Variants in CSMD2 observed in about 807,000 individuals in gnomAD.
CSMD2 encodes the protein CUB and Sushi multiple domains 2.
In CSMD2, 130 loss-of-function variants were observed where a neutral mutation model predicts 398.5. The observed-to-expected ratio is 0.33, with a 90% CI of 0.28 to 0.38. The LOEUF (loss-of-function observed/expected upper bound fraction) is 0.38, where lower values mean the gene tolerates loss of function less well. CSMD2 is among the 10% of genes least tolerant of loss of function. The probability of loss-of-function intolerance (pLI) is 1.00; values close to 1 mark genes in which losing one functional copy is unlikely to be tolerated. For missense variants in CSMD2, 3,829 were observed against 4,764.9 expected (o/e 0.80, Z 5.78); for synonymous variants, 1,828 against 1,908.5 (o/e 0.96, Z 1.10).
rs1641993513 is a variant in CSMD2 at position 33,624,717 on chromosome 1, A to G, written c.5501-74T>C. The G allele has an allele frequency of 6.4e-7, 1 of 1,555,280 alleles. No homozygotes were observed. Among genetic ancestry groups the G allele is most frequent in the Non-Finnish European group, 8.7e-7 (1 of 1,145,164 alleles). ...GCCTTCCCAAGCTGACTCCTCCCTC[A>G]TGGCCCCCAGCCTCTGTTTGTCCTC... On this transcript the variant is annotated intron_variant, in intron 34 of 70. Transcript: ENST00000373381. The surrounding 1 kb of genome is among the most constrained non-coding windows in gnomAD (Gnocchi z 4.7).
At chr1:33,714,460 AGGTAAGTGT>A in intron 21 of CSMD2, 118 bp downstream of exon 21, 2 of 1,103,652 alleles carry the variant, frequency 1.8e-6, no homozygotes, top group Non-Finnish European at 1.3e-6. Context: ...GTCCCACTGC[AGGTAAGTGT>A]GGTAAGTGTG....
intron 5 of CSMD2, among the ~76,000 whole-genome samples, chr1:33,878,740 T>C (rs1246148745): frequency 6.6e-6 from 1 of 152,204 alleles, no homozygotes; most frequent in African/African-American, 2.4e-5. Context: ...TTGTCACAAA[T>C]GGGAAAAGCA....
intron 10 of CSMD2, among the ~76,000 whole-genome samples, chr1:33,802,096 T>C (rs1400025321): frequency 6.6e-6 from 1 of 152,162 alleles, no homozygotes; most frequent in Non-Finnish European, 1.5e-5. Context: ...GAAAAATTAT[T>C]GTAGGCAGAT....
intron 36 of CSMD2, among the ~76,000 whole-genome samples, chr1:33,622,803 C>G (rs1046559322): frequency 6.6e-6 from 1 of 152,150 alleles, no homozygotes. Context: ...ACATAGAGTT[C>G]CCACATGACC....
intron 5 of CSMD2, chr1:33,870,362 GA>G (rs1640370754): frequency 6.6e-6 from 1 of 152,206 alleles, no homozygotes; most frequent in South Asian, 2.1e-4. Context: ...CAGCACACAA[GA>G]AGATAGCTTC....
intron 3 of CSMD2, among the ~76,000 whole-genome samples, chr1:33,996,645 G>A (rs555590626): frequency 6.6e-6 from 1 of 152,198 alleles, no homozygotes; most frequent in East Asian, 1.9e-4. Flanking sequence ...CACCATCTCT[G>A]GACTTGTGTG....
At chr1:33,706,833 TGTGTGTGC>T (rs1358415516) in intron 22 of CSMD2, among the ~76,000 whole-genome samples, 7 of 151,494 alleles carry the variant, frequency 4.6e-5, no homozygotes, top group African/African-American at 9.7e-5. Context: ...CGTGTGTATG[TGTGTGTGC>T]GTGTGTGCAT....
At chr1:33,619,676 C>A (rs2148867189) in intron 37 of CSMD2, among the ~76,000 whole-genome samples, 1 of 152,320 alleles carries the variant, frequency 6.6e-6, no homozygotes, top group Non-Finnish European at 1.5e-5. Context: ...GTTGCTATCA[C>A]TCTGGAAATT....
At chr1:34,064,228 C>T (rs901335089) in intron 2 of CSMD2, among the ~76,000 whole-genome samples, 1 of 152,204 alleles carries the variant, frequency 6.6e-6, no homozygotes, top group Non-Finnish European at 1.5e-5. Flanking sequence ...ATTTTTGCAG[C>T]CAGTTTGAAT....
intron 29 of CSMD2, among the ~76,000 whole-genome samples, chr1:33,646,434 C>T (rs1643430495): frequency 6.6e-6 from 1 of 152,168 alleles, no homozygotes; most frequent in Non-Finnish European, 1.5e-5. Context: ...AATGCTGGTT[C>T]CCTTTTTTCC....
rs552149003 is a variant in CSMD2, at chr1:33,898,840, G to A, written c.920+19254C>T. On this transcript the variant is annotated intron_variant, in intron 5 of 70. Transcript: ENST00000373381. The stretch of plus-strand genomic sequence containing the variant: ...TCCAGGATGTCATTCCCAGCTCAGA[G>A]TGAGGCCTGAAGGACACTTGCCCTC... Among the ~76,000 whole-genome samples the A allele has an allele frequency of 3.0e-4, 46 of 152,328 alleles. No homozygotes were observed. The South Asian group carries it at 9.5e-3, about 32-fold the overall frequency.
intron 24 of CSMD2, among the ~76,000 whole-genome samples, chr1:33,693,264 G>A (rs1645302750): frequency 6.6e-6 from 1 of 152,150 alleles, no homozygotes; most frequent in South Asian, 2.1e-4. Context: ...AAAAAGACAA[G>A]TAACCCAATT....
intron 5 of CSMD2, among the ~76,000 whole-genome samples, chr1:33,894,732 C>T (rs767152189): frequency 4.6e-5 from 7 of 152,152 alleles, no homozygotes; most frequent in African/African-American, 9.7e-5. Flanking sequence ...TTTTGGGGAA[C>T]CCAAACTTGG....
At chr1:33,616,173 G>C (rs1279451347) in intron 39 of CSMD2, among the ~76,000 whole-genome samples, 1 of 152,178 alleles carries the variant, frequency 6.6e-6, no homozygotes, top group Non-Finnish European at 1.5e-5. Context: ...CGTAGCACAG[G>C]GTAAGGGACG....
At chr1:33,554,810 A>G (rs1657807454) in intron 55 of CSMD2, among the ~76,000 whole-genome samples, 2 of 152,148 alleles carry the variant, frequency 1.3e-5, no homozygotes, top group Admixed American at 1.3e-4. Context: ...TTTCAAAATA[A>G]TACTGCTCAT....
At chr1:33,712,462 C>A (rs1004029064) in intron 21 of CSMD2, among the ~76,000 whole-genome samples, 1 of 152,182 alleles carries the variant, frequency 6.6e-6, no homozygotes, top group Non-Finnish European at 1.5e-5. Flanking sequence ...GGTGGGCATT[C>A]CTGAGATGCC....
chr1:34,164,018 C>A lies in CSMD2; in HGVS notation c.187+893G>T, dbSNP rs1043488396. On this transcript the variant is annotated intron_variant, in intron 1 of 70. Transcript: ENST00000373381. This position sits in a 1 kb window ranked among gnomAD's most constrained non-coding sequence, Gnocchi z 6.2. The stretch of plus-strand genomic sequence containing the variant: ...CCGGGACTCTCCGCACCCGCTAGAT[C>A]TGCCCCTTCCCGGACTCGGTCGTCG... Among the ~76,000 whole-genome samples, 1 of 152,154 alleles carries A rather than the reference C, an allele frequency of 6.6e-6. No individual in the cohort carries two copies. The highest frequency in any genetic ancestry group is 1.5e-5 in the Non-Finnish European group (1 of 68,014).
At chr1:33,866,071 A>G (rs1640010656) in intron 5 of CSMD2, among the ~76,000 whole-genome samples, 1 of 152,168 alleles carries the variant, frequency 6.6e-6, no homozygotes, top group Non-Finnish European at 1.5e-5. Flanking sequence ...TCCATGATAG[A>G]GGGACCTACA....
At chr1:33,995,236 A>C (rs1646689415) in intron 3 of CSMD2, among the ~76,000 whole-genome samples, 1 of 152,174 alleles carries the variant, frequency 6.6e-6, no homozygotes, top group Non-Finnish European at 1.5e-5. Context: ...CGAAGTCCAC[A>C]CTTGGACGAC....
Sources: gnomAD v4.1 joint callset for allele counts (sites outside exome capture counted in the v4.1 genomes callset) on GRCh38, gnomAD v4.1.1 for gene constraint, Gnocchi (gnomAD v3.1) non-coding constraint, MANE v1.5 for transcripts, NCBI Gene and HGNC (gene_info 2026-07-23, HGNC 2026-07-21) for gene names.